The following PLA2G4E variants were observed in gnomAD, a reference collection of about 807,000 sequenced individuals.
PLA2G4E encodes phospholipase A2 group IVE.
A neutral mutation model predicts 109.1 loss-of-function variants in PLA2G4E; 84 were observed. The ratio of observed to expected loss-of-function variants is 0.77; its 90% confidence interval spans 0.65 to 0.92. The LOEUF (loss-of-function observed/expected upper bound fraction) is 0.92, where lower values mean the gene tolerates loss of function less well. Ranked by LOEUF, PLA2G4E falls within the 40% of genes least tolerant of loss-of-function variation. The pLI is 0.00. For synonymous variants in PLA2G4E, 469 were observed against 436.1 expected (o/e 1.08, Z -0.94); for missense variants, 1,057 against 1,076.6 (o/e 0.98, Z 0.25).
exon 12 of PLA2G4E, chr15:41,995,483 G>T (rs2068324219): frequency 6.2e-7 from 1 of 1,613,858 alleles, no homozygotes; most frequent in Non-Finnish European, 8.5e-7. Flanking sequence ...GGCCATGATG[G>T]CTATCAGCGG....
intron 15 of PLA2G4E, among the ~76,000 whole-genome samples, 164 bp downstream of exon 15, chr15:41,989,251 G>A (rs565672779): frequency 2.0e-5 from 3 of 152,278 alleles, no homozygotes; most frequent in South Asian, 4.1e-4. Context: ...CCAGGAAATT[G>A]GGAGAGCCCC....
intron 2 of PLA2G4E, among the ~76,000 whole-genome samples, chr15:42,009,661 T>C (rs12442934): frequency 0.39 from 58,674 of 152,058 alleles, 11,904 homozygotes; most frequent in South Asian, 0.59. Flanking sequence ...TGTGCACACA[T>C]GTACATTCAC....
chr15:41,983,692 CTGAGGGG>C, exon 20 of PLA2G4E: 1 of 1,445,822 alleles, frequency 6.9e-7, no homozygotes, highest in Non-Finnish European at 9.5e-7. Context: ...CTGGTCAGCC[CTGAGGGG>C]TCCTGCACCT....
chr15:41,993,731 C>T (rs2068289400), intron 12 of PLA2G4E, among the ~76,000 whole-genome samples: 1 of 152,086 alleles, frequency 6.6e-6, no homozygotes, highest in South Asian at 2.1e-4. Flanking sequence ...TGCGGCTGCA[C>T]ATTTAAGGAA....
intron 12 of PLA2G4E, among the ~76,000 whole-genome samples, chr15:41,994,096 G>A (rs1033414887): frequency 6.6e-5 from 10 of 152,204 alleles, no homozygotes; most frequent in African/African-American, 2.4e-4. Flanking sequence ...GTGGGCCCGG[G>A]ACTAGGTTCA....
intron 10 of PLA2G4E, chr15:41,997,688 G>C (rs879262725): frequency 3.3e-5 from 5 of 153,650 alleles, no homozygotes; most frequent in Admixed American, 1.3e-4. Flanking sequence ...AAGGCCCCAC[G>C]GTATGGACTC....
At chr15:41,993,973 T>C (rs1329931805) in intron 12 of PLA2G4E, among the ~76,000 whole-genome samples, 1 of 145,592 alleles carries the variant, frequency 6.9e-6, no homozygotes, top group African/African-American at 2.5e-5. Context: ...CCTCCTGCTA[T>C]CTGTCTATCG....
chr15:42,034,515 G>A (rs1459093956), intron 1 of PLA2G4E, among the ~76,000 whole-genome samples: 1 of 152,164 alleles, frequency 6.6e-6, no homozygotes, highest in African/African-American at 2.4e-5. Context: ...AGGATCTTAT[G>A]GAGCTGTCAT....
At chr15:42,044,894 G>A (rs994864166) in intron 1 of PLA2G4E, among the ~76,000 whole-genome samples, 7 of 152,142 alleles carry the variant, frequency 4.6e-5, no homozygotes, top group Non-Finnish European at 8.8e-5. Context: ...CAGATGGGAA[G>A]CAAATGGTCA....
chr15:42,001,385 A>G (rs891959562), intron 6 of PLA2G4E, among the ~76,000 whole-genome samples, 165 bp from the exon 7 acceptor site: 4 of 152,148 alleles, frequency 2.6e-5, no homozygotes, highest in East Asian at 1.9e-4. Flanking sequence ...GAACCCAATC[A>G]AGGCATGCCA....
intron 1 of PLA2G4E, among the ~76,000 whole-genome samples, chr15:42,047,687 C>T (rs140945881): frequency 6.6e-6 from 1 of 152,280 alleles, no homozygotes; most frequent in African/African-American, 2.4e-5. Context: ...GCCTACATGT[C>T]CCCCATTCAT....
intron 2 of PLA2G4E, chr15:42,009,146 A>G (rs576057023): frequency 9.8e-5 from 15 of 152,304 alleles, no homozygotes; most frequent in African/African-American, 3.4e-4. Flanking sequence ...TGTCATGATA[A>G]TCACTTAATC....
At chr15:42,039,655 A>G (rs1377603876) in intron 1 of PLA2G4E, among the ~76,000 whole-genome samples, 1 of 152,174 alleles carries the variant, frequency 6.6e-6, no homozygotes. Flanking sequence ...TAATTTTTCT[A>G]TAAAAATCAT....
At position 42,013,684 on chromosome 15, in the gene PLA2G4E, C is replaced by T. The variant is rs914572563; in HGVS notation, c.256+1G>A. 3.3e-5 allele frequency: 51 copies of T among 1,549,632 alleles called. No individual in the cohort carries two copies. The highest frequency in any genetic ancestry group is 5.9e-5 in the Admixed American group (3 of 50,956). On this transcript the variant is annotated splice_donor_variant, in intron 2 of 19. Coordinates refer to ENST00000399518, the Ensembl canonical transcript of PLA2G4E. LOFTEE classifies it high-confidence loss of function. Reference sequence around the variant, plus strand: ...AGGAGAGAAGTGAGGTGGATACTCACGCATATCAGCCTGCCGGACATTTTT... The same window carrying T: ...AGGAGAGAAGTGAGGTGGATACTCATGCATATCAGCCTGCCGGACATTTTT...
rs905166685 is a variant in PLA2G4E at position 41,987,277 on chromosome 15, C to A, written c.1930G>T (p.Glu644Ter). 1 of 1,613,992 alleles carries A rather than the reference C, an allele frequency of 6.2e-7. No individual in the cohort carries two copies. The highest frequency in any genetic ancestry group is 8.5e-7 in the Non-Finnish European group (1 of 1,179,878). The change falls in exon 17 of 20, where the codon GAA (glutamate) becomes TAA (stop). Residue 644 changes from glutamate (E) to a stop codon, truncating the protein, a stop_gained. Coordinates refer to ENST00000399518, the Ensembl canonical transcript of PLA2G4E. LOFTEE classifies it high-confidence loss of function. Reference sequence around the variant, plus strand: ...ACGAAGGACCGATGGGTAAGGATTTCTCGGAAAGAATTGGACAGCCATGAC... The same window carrying A: ...ACGAAGGACCGATGGGTAAGGATTTATCGGAAAGAATTGGACAGCCATGAC...
intron 1 of PLA2G4E, among the ~76,000 whole-genome samples, chr15:42,019,202 G>T (rs2141063370): frequency 6.6e-6 from 1 of 152,336 alleles, no homozygotes; most frequent in East Asian, 1.9e-4. Context: ...GCTTGCTCCA[G>T]GCCATGTGCT....
In PLA2G4E at chr15:41,997,471, A is replaced by T; in HGVS notation, c.975-212T>A. On this transcript the variant is annotated intron_variant, in intron 10 of 19. Coordinates refer to ENST00000399518, the Ensembl canonical transcript of PLA2G4E. ...AGCACTTAAAGAGATAACAAATGCA[A>T]AGCCCCCAAAGCCTTAGCTGGCACA... The T allele has an allele frequency of 6.8e-6, 3 of 440,244 alleles. No individual in the cohort carries two copies. The Middle Eastern group carries it at 1.8e-3, about 261-fold the overall frequency. The allele number at this position is 440,244 out of a possible 1,614,324, so 27.3% of individuals were successfully genotyped here.
intron 1 of PLA2G4E, among the ~76,000 whole-genome samples, chr15:42,028,448 C>T (rs958100470): frequency 1.0e-4 from 15 of 150,326 alleles, no homozygotes; most frequent in African/African-American, 3.2e-4. Flanking sequence ...ACTCTGTTGC[C>T]CAGGCTGGAG....
intron 1 of PLA2G4E, among the ~76,000 whole-genome samples, 199 bp downstream of exon 1, chr15:42,020,736 G>A (rs1263380350): frequency 6.6e-6 from 1 of 152,174 alleles, no homozygotes; most frequent in Non-Finnish European, 1.5e-5. Context: ...AGGAGCCCTG[G>A]CCCCAACTGG....
Sources: allele counts gnomAD v4.1 joint callset (sites outside exome capture counted in the v4.1 genomes callset), GRCh38; gene constraint gnomAD v4.1.1; transcripts MANE v1.5; gene names NCBI Gene and HGNC (gene_info 2026-07-23, HGNC 2026-07-21).